ENPP6: variants seen among roughly 807,000 people sequenced by gnomAD.
The protein encoded by ENPP6 is ectonucleotide pyrophosphatase/phosphodiesterase 6.
Under a neutral mutation model 42.0 loss-of-function variants are expected in ENPP6, and 32 were observed. The observed-to-expected ratio is 0.76, with a 90% CI of 0.58 to 1.02. The LOEUF is 1.02. Ranked by LOEUF, ENPP6 falls within the 50% of genes least tolerant of loss-of-function variation. ENPP6 has a pLI of 0.00. For synonymous variants in ENPP6, 213 were observed against 216.0 expected (o/e 0.99, Z 0.12); for missense variants, 552 against 566.8 (o/e 0.97, Z 0.27).
chr4:184,154,560 T>G (rs1272208384), intron 1 of ENPP6, among the ~76,000 whole-genome samples: 1 of 152,228 alleles, frequency 6.6e-6, no homozygotes, highest in Non-Finnish European at 1.5e-5. Flanking sequence ...CAAGTGGCTT[T>G]TCTTCTTTGT....
At chr4:184,105,828 A>G (rs1315743445) in intron 6 of ENPP6, among the ~76,000 whole-genome samples, 1 of 152,226 alleles carries the variant, frequency 6.6e-6, no homozygotes, top group African/African-American at 2.4e-5. Flanking sequence ...AGCAACCAGT[A>G]TTACTAATTA....
intron 1 of ENPP6, 60 bp downstream of exon 1, chr4:184,217,519 A>G: frequency 6.3e-7 from 1 of 1,599,726 alleles, no homozygotes; most frequent in Non-Finnish European, 8.5e-7. Context: ...CCAGGAGCTC[A>G]CTGTTCCCTG....
chr4:184,099,648 C>T (rs1735967124), intron 6 of ENPP6, among the ~76,000 whole-genome samples: 2 of 152,348 alleles, frequency 1.3e-5, no homozygotes, highest in Admixed American at 1.3e-4. Context: ...ATAAATCGCC[C>T]CCTCGCATTG....
chr4:184,196,162 G>A (rs1225423834), intron 1 of ENPP6, among the ~76,000 whole-genome samples: 6 of 152,186 alleles, frequency 3.9e-5, no homozygotes, highest in Non-Finnish European at 8.8e-5. Context: ...TCACCCACGA[G>A]GCCCTTCCTC....
At chr4:184,163,240 T>A (rs535413749) in intron 1 of ENPP6, among the ~76,000 whole-genome samples, 3 of 152,204 alleles carry the variant, frequency 2.0e-5, no homozygotes, top group Non-Finnish European at 4.4e-5. Context: ...TTCTCAGGAA[T>A]GGAAGGGACC....
At chr4:184,093,204 T>C (rs1490834560) in intron 7 of ENPP6, among the ~76,000 whole-genome samples, 2 of 152,250 alleles carry the variant, frequency 1.3e-5, no homozygotes, top group African/African-American at 2.4e-5. Context: ...TGGTCACTAC[T>C]ATTATTAATA....
intron 1 of ENPP6, among the ~76,000 whole-genome samples, chr4:184,165,794 C>T (rs530476608): frequency 5.3e-5 from 8 of 152,260 alleles, no homozygotes; most frequent in East Asian, 3.9e-4. Flanking sequence ...AGAGACTGAA[C>T]GTACACATAC....
At chr4:184,183,303 T>C (rs1226166022) in intron 1 of ENPP6, among the ~76,000 whole-genome samples, 1 of 152,258 alleles carries the variant, frequency 6.6e-6, no homozygotes, top group East Asian at 1.9e-4. Flanking sequence ...AAATAGCTTT[T>C]AATTTTAGAT....
intron 5 of ENPP6, among the ~76,000 whole-genome samples, chr4:184,113,957 TTCTTTCTC>T (rs1247330897): frequency 2.1e-4 from 28 of 136,480 alleles, no homozygotes; most frequent in South Asian, 4.7e-4. Flanking sequence ...CTTTCTTTCT[TTCTTTCTC>T]TCTTTCTTTC....
intron 6 of ENPP6, 111 bp from the exon 7 acceptor site, chr4:184,097,479 G>A (rs1268004072): frequency 5.7e-6 from 8 of 1,401,720 alleles, no homozygotes; most frequent in Non-Finnish European, 7.7e-6. Flanking sequence ...TCTGCGCTCC[G>A]ACTGACCCAG....
chr4:184,161,681 C>T (rs964349373), intron 1 of ENPP6, among the ~76,000 whole-genome samples: 1 of 151,546 alleles, frequency 6.6e-6, no homozygotes, highest in Non-Finnish European at 1.5e-5. Flanking sequence ...TATATATATA[C>T]CATGGAATAC....
Position 184,217,698 on chromosome 4 carries a change from T to G in ENPP6, c.122A>C (p.Asp41Ala). The G allele has an allele frequency of 6.2e-7, 1 of 1,614,210 alleles. No individual in the cohort carries two copies. The highest frequency in any genetic ancestry group is 8.5e-7 in the Non-Finnish European group (1 of 1,180,044). ...ACCAGGCAATGACTCCAGCGCCTCA[T>G]CACTGATGTAGTCTGAGCGAAAACC... ...LDGFRSDYIS[D>A]EALESLPGFK... Residue 41 changes from aspartate to alanine, a missense_variant, in exon 1 of 8, where the codon GAT becomes GCT. Physicochemically the swap from Asp to Ala is moderately radical, Grantham distance 126. Coordinates refer to ENST00000296741, the MANE Select transcript of ENPP6 (RefSeq NM_153343.4).
At chr4:184,116,724 A>G in intron 5 of ENPP6, 132 bp downstream of exon 5, 1 of 1,272,218 alleles carries the variant, frequency 7.9e-7, no homozygotes, top group African/African-American at 1.5e-5. Context: ...TAAAAGTGAA[A>G]CTCTGCCTCA....
intron 6 of ENPP6, among the ~76,000 whole-genome samples, chr4:184,101,758 A>G (rs1736007884): frequency 6.6e-6 from 1 of 152,202 alleles, no homozygotes; most frequent in Non-Finnish European, 1.5e-5. Context: ...ACCCAGGGTG[A>G]TATGTTCAGC....
intron 2 of ENPP6, among the ~76,000 whole-genome samples, chr4:184,124,622 T>G (rs1172252014): frequency 6.6e-6 from 1 of 152,222 alleles, no homozygotes; most frequent in Admixed American, 6.5e-5. Flanking sequence ...TGAATCTAAG[T>G]CTTTCATGAA....
At chr4:184,124,674 G>C (rs1009009409) in intron 2 of ENPP6, among the ~76,000 whole-genome samples, 4 of 152,174 alleles carry the variant, frequency 2.6e-5, no homozygotes, top group Non-Finnish European at 5.9e-5. Flanking sequence ...CTAGAATCAA[G>C]TATTAGGTAG....
intron 1 of ENPP6, among the ~76,000 whole-genome samples, chr4:184,172,386 C>G (rs1016703195): frequency 6.6e-6 from 1 of 152,168 alleles, no homozygotes; most frequent in African/African-American, 2.4e-5. Context: ...CCTCCACCCT[C>G]TAGCTAGCAG....
intron 2 of ENPP6, among the ~76,000 whole-genome samples, chr4:184,131,338 CTTTCTTTCTTT>C: frequency 7.2e-6 from 1 of 138,440 alleles, no homozygotes; most frequent in East Asian, 2.1e-4. Context: ...TTTCTTCTTT[CTTTCTTTCTTT>C]TCTTTCTTCT....
At chr4:184,145,654 G>A (rs1736906353) in intron 2 of ENPP6, among the ~76,000 whole-genome samples, 2 of 152,354 alleles carry the variant, frequency 1.3e-5, no homozygotes, top group East Asian at 3.9e-4. Context: ...GAACACATCA[G>A]TGAACGGCAT....
Sources: allele counts gnomAD v4.1 joint callset (sites outside exome capture counted in the v4.1 genomes callset), GRCh38; gene constraint gnomAD v4.1.1; transcripts MANE v1.5; gene names NCBI Gene and HGNC (gene_info 2026-07-23, HGNC 2026-07-21).